NBEA: variants seen among roughly 807,000 people sequenced by gnomAD.
The protein encoded by NBEA is neurobeachin, also known as lysosomal-trafficking regulator 2.
Under a neutral mutation model 343.4 loss-of-function variants are expected in NBEA, and 44 were observed. The ratio of observed to expected loss-of-function variants is 0.13; its 90% CI spans 0.10 to 0.16. The LOEUF (loss-of-function observed/expected upper bound fraction) is 0.16. Among genes scored for constraint, NBEA ranks in the 10% least tolerant of loss-of-function variants. The pLI, the probability that NBEA is intolerant of heterozygous loss-of-function variation, is 1.00. For synonymous variants in NBEA, 1,175 were observed against 1,238.7 expected, an observed-to-expected ratio of 0.95 and a Z score of 1.08; for missense variants, 2,555 against 3,631.3, an observed-to-expected ratio of 0.70 and a Z score of 7.62.
At chr13:35,331,501 T>A (rs548755319) in intron 36 of NBEA, among the ~76,000 whole-genome samples, 11 of 152,142 alleles carry the variant, frequency 7.2e-5, no homozygotes, top group African/African-American at 2.6e-4. Context: ...AATCTATATA[T>A]AATGAAAAAT....
chr13:35,515,667 A>T (rs1320344528), intron 41 of NBEA, among the ~76,000 whole-genome samples: 1 of 152,132 alleles, frequency 6.6e-6, no homozygotes, highest in Non-Finnish European at 1.5e-5. Context: ...GTCTGAGGAC[A>T]TTGTGTTAAA....
chr13:35,323,411 T>C (rs1045258474), intron 36 of NBEA, among the ~76,000 whole-genome samples: 1 of 152,036 alleles, frequency 6.6e-6, no homozygotes, highest in African/African-American at 2.4e-5. Flanking sequence ...TCATGTCCTT[T>C]GTAGGGACAT....
At chr13:35,100,681 CAT>C (rs1158263997) in intron 11 of NBEA, among the ~76,000 whole-genome samples, 3 of 152,016 alleles carry the variant, frequency 2.0e-5, no homozygotes, top group South Asian at 2.1e-4. Context: ...CAAATAAAGA[CAT>C]ATGTTAATAT....
chr13:35,414,175 A>G (rs2043755755), intron 38 of NBEA, among the ~76,000 whole-genome samples: 1 of 152,146 alleles, frequency 6.6e-6, no homozygotes, highest in Admixed American at 6.6e-5. Context: ...ATATCATAGG[A>G]TAACATGAAG....
At chr13:35,624,485 T>C (rs1045232216) in intron 48 of NBEA, among the ~76,000 whole-genome samples, 2 of 152,116 alleles carry the variant, frequency 1.3e-5, no homozygotes, top group African/African-American at 4.8e-5. Flanking sequence ...CTAGTGTCAG[T>C]GTTCACAAAT....
At chr13:35,097,485 G>C (rs2065397890) in intron 10 of NBEA, among the ~76,000 whole-genome samples, 1 of 151,830 alleles carries the variant, frequency 6.6e-6, no homozygotes, top group Non-Finnish European at 1.5e-5. Context: ...TACAATGAAG[G>C]AATATGTATT....
intron 34 of NBEA, among the ~76,000 whole-genome samples, chr13:35,243,099 A>G (rs1035323146): frequency 6.6e-6 from 1 of 151,956 alleles, no homozygotes; most frequent in Non-Finnish European, 1.5e-5. Flanking sequence ...GGTAAGCAAT[A>G]TATAAAGATA....
chr13:35,248,907 T>C (rs936209388), intron 34 of NBEA, among the ~76,000 whole-genome samples: 5 of 152,094 alleles, frequency 3.3e-5, no homozygotes, highest in Non-Finnish European at 7.3e-5. Flanking sequence ...CCCAGCACTT[T>C]GGGAGGCCGA....
At chr13:35,121,555 A>G (rs529138431) in intron 16 of NBEA, among the ~76,000 whole-genome samples, 2 of 150,992 alleles carry the variant, frequency 1.3e-5, no homozygotes, top group South Asian at 4.2e-4. Flanking sequence ...CTTGGTTCCT[A>G]AAAGTTTTGA....
At chr13:35,249,849 G>A (rs2031742352) in intron 34 of NBEA, among the ~76,000 whole-genome samples, 1 of 152,084 alleles carries the variant, frequency 6.6e-6, no homozygotes, top group South Asian at 2.1e-4. Flanking sequence ...ACATATAGAT[G>A]CATTTCAAAA....
At chr13:35,356,457 G>A (rs892009008) in intron 38 of NBEA, among the ~76,000 whole-genome samples, 5 of 152,054 alleles carry the variant, frequency 3.3e-5, no homozygotes, top group African/African-American at 4.8e-5. Flanking sequence ...TACAGTGTAC[G>A]TTTCTACTAC....
At chr13:35,475,671 G>A (rs1280537146) in intron 41 of NBEA, 7 of 1,613,592 alleles carry the variant, frequency 4.3e-6, no homozygotes, top group African/African-American at 1.3e-5. Flanking sequence ...GTTTCACTTC[G>A]CTGGTGTCTG....
Position 35,142,351 on chromosome 13 carries a change from G to A in NBEA, c.2419G>A (p.Val807Ile), listed in dbSNP as rs2068137522. 1 of 1,612,424 alleles carries A rather than the reference G, an allele frequency of 6.2e-7. No homozygotes were observed. The highest frequency in any genetic ancestry group is 8.5e-7 in the Non-Finnish European group (1 of 1,178,998). ...GATGTTGCATACAAACACTGTGACT[G>A]TCACCACATACAACACACTTTATGA... ...RLMLHTNTVTVTTYNTLYEIL... is the reference protein window; with the variant it reads ...RLMLHTNTVTITTYNTLYEIL... The change falls in exon 18 of 59, where the codon GTC (valine) becomes ATC (isoleucine). Residue 807 changes from valine to isoleucine, a missense_variant. Physicochemically the swap from Val to Ile is conservative, Grantham distance 29 (BLOSUM62 3). Transcript: ENST00000379939.
At chr13:35,547,905 G>A (rs1031702063) in intron 41 of NBEA, among the ~76,000 whole-genome samples, 1 of 151,670 alleles carries the variant, frequency 6.6e-6, no homozygotes, top group Non-Finnish European at 1.5e-5. Context: ...AAAAAAAAAG[G>A]GAATTGATGA....
intron 38 of NBEA, among the ~76,000 whole-genome samples, chr13:35,398,463 G>A (rs2152904859): frequency 6.6e-6 from 1 of 152,200 alleles, no homozygotes; most frequent in Middle Eastern, 3.4e-3. Flanking sequence ...TACAAAATGT[G>A]TTTCTTAAAT....
chr13:35,172,963 C>A (rs1327593811), intron 26 of NBEA, among the ~76,000 whole-genome samples: 3 of 151,952 alleles, frequency 2.0e-5, no homozygotes, highest in African/African-American at 7.2e-5. Context: ...ACTTTCCCAC[C>A]ATGAAGGAAG....
intron 1 of NBEA, among the ~76,000 whole-genome samples, chr13:35,005,216 A>ATTT (rs36067182): frequency 1.4e-5 from 2 of 145,312 alleles, no homozygotes. Context: ...CACAGGGCAG[A>ATTT]TTTTTTTTTT....
intron 1 of NBEA, among the ~76,000 whole-genome samples, chr13:35,007,957 T>C (rs185838707): frequency 1.2e-4 from 19 of 152,336 alleles, no homozygotes; most frequent in African/African-American, 4.3e-4. Flanking sequence ...TGGCTATTTT[T>C]TATTGATGTC....
rs574855646 is a variant in NBEA at position 35,137,212 on chromosome 13, A to C, written c.2337-5057A>C. The stretch of plus-strand genomic sequence containing the variant: ...ATGCCTGCAATCCCAGCACTTTGGG[A>C]GGCTGAGATGGGTGGATCCCTTGGT... On this transcript the variant is annotated intron_variant, in intron 17 of 58. Transcript: ENST00000379939. Among the ~76,000 whole-genome samples, 85 of 152,276 alleles carry C rather than the reference A, an allele frequency of 5.6e-4. 1 individual carries two copies. The highest frequency in any genetic ancestry group is 1.0e-3 in the Non-Finnish European group (70 of 68,016).
Sources: gnomAD v4.1 joint callset for allele counts (sites outside exome capture counted in the v4.1 genomes callset) on GRCh38, gnomAD v4.1.1 for gene constraint, MANE v1.5 for transcripts, NCBI Gene and HGNC (gene_info 2026-07-23, HGNC 2026-07-21) for gene names.